BZW2: variants seen among roughly 807,000 people sequenced by gnomAD.
BZW2 encodes eIF5-mimic protein 1.
A neutral mutation model predicts 53.2 loss-of-function variants in BZW2; 23 were observed. The observed-to-expected ratio is 0.43, with a 90% CI of 0.31 to 0.61. The LOEUF is 0.61. Ranked by LOEUF, BZW2 falls within the 20% of genes least tolerant of loss-of-function variation. The probability of loss-of-function intolerance (pLI) is 0.09; values close to 1 mark genes in which losing one functional copy is unlikely to be tolerated. For synonymous variants in BZW2, 227 were observed against 186.4 expected, an observed-to-expected ratio of 1.22 and a Z score of -1.77; for missense variants, 409 against 503.1, an observed-to-expected ratio of 0.81 and a Z score of 1.79.
At chr7:16,696,632 G>C (rs991324897) in intron 8 of BZW2, among the ~76,000 whole-genome samples, 1 of 152,146 alleles carries the variant, frequency 6.6e-6, no homozygotes. Context: ...ACTCAAAGGG[G>C]TTTCTCTATG....
chr7:16,667,590 G>A (rs1397846768), intron 2 of BZW2, among the ~76,000 whole-genome samples: 1 of 152,128 alleles, frequency 6.6e-6, no homozygotes, highest in Non-Finnish European at 1.5e-5. Context: ...AAAAGAAATT[G>A]CAATATAATA....
At chr7:16,664,347 G>A (rs985747071) in intron 1 of BZW2, among the ~76,000 whole-genome samples, 2 of 152,208 alleles carry the variant, frequency 1.3e-5, no homozygotes, top group Admixed American at 6.5e-5. Flanking sequence ...CAAGTAAGGA[G>A]AGCTAGTGAC....
chr7:16,681,674 A>C (rs558651883), intron 4 of BZW2, among the ~76,000 whole-genome samples: 1 of 152,222 alleles, frequency 6.6e-6, no homozygotes, highest in South Asian at 2.1e-4. Flanking sequence ...CTACTAAAAA[A>C]TACAAAAATT....
intron 10 of BZW2, 144 bp from the exon 11 acceptor site, chr7:16,704,403 A>G: frequency 1.2e-6 from 1 of 848,442 alleles, no homozygotes. Context: ...GCTACATGAA[A>G]ATCAACTTGG....
intron 4 of BZW2, 45 bp downstream of exon 4, chr7:16,681,449 A>C: frequency 1.3e-6 from 2 of 1,497,164 alleles, no homozygotes; most frequent in Non-Finnish European, 1.9e-6. Context: ...AGGACTGAGG[A>C]AAACTCTATA....
chr7:16,681,443 C>T (rs932897184), intron 4 of BZW2, 39 bp downstream of exon 4: 1 of 1,521,012 alleles, frequency 6.6e-7, no homozygotes, highest in South Asian at 1.1e-5. Flanking sequence ...TTGAAGAGGA[C>T]TGAGGAAAAC....
chr7:16,661,608 T>C (rs1369101350), intron 1 of BZW2, among the ~76,000 whole-genome samples: 2 of 152,202 alleles, frequency 1.3e-5, no homozygotes, highest in Non-Finnish European at 2.9e-5. Context: ...TTCATTAATA[T>C]AGTATCAAGT....
intron 1 of BZW2, among the ~76,000 whole-genome samples, chr7:16,647,139 T>C (rs1166719061): frequency 6.6e-6 from 1 of 152,194 alleles, no homozygotes; most frequent in Non-Finnish European, 1.5e-5. Flanking sequence ...ATTTGCTTGC[T>C]AAAATGCGGG....
intron 2 of BZW2, 49 bp downstream of exon 2, chr7:16,665,550 A>G: frequency 6.3e-7 from 1 of 1,596,512 alleles, no homozygotes; most frequent in Non-Finnish European, 8.5e-7. Flanking sequence ...TAACCAAAAT[A>G]TAAGATTGGA....
intron 5 of BZW2, among the ~76,000 whole-genome samples, chr7:16,685,222 A>G (rs73679834): frequency 0.041 from 6,202 of 152,276 alleles, 408 homozygotes; most frequent in African/African-American, 0.14. Flanking sequence ...CTTACATTCA[A>G]ATTTTCTAGG....
At chr7:16,678,030 G>A (rs1029322930) in intron 3 of BZW2, among the ~76,000 whole-genome samples, 1 of 135,010 alleles carries the variant, frequency 7.4e-6, no homozygotes, top group Non-Finnish European at 1.6e-5. Context: ...TAAATGCTTT[G>A]TTTAATTATT....
intron 3 of BZW2, 114 bp downstream of exon 3, chr7:16,674,702 A>G (rs1583721007): frequency 2.1e-6 from 2 of 957,160 alleles, no homozygotes; most frequent in Admixed American, 7.4e-5. Flanking sequence ...GTTAATAAAA[A>G]TACAAATGGA....
At chr7:16,687,594 C>G (rs1783165878) in intron 6 of BZW2, 1 of 151,996 alleles carries the variant, frequency 6.6e-6, no homozygotes, top group Non-Finnish European at 1.5e-5. Flanking sequence ...GTTGGCACAC[C>G]TGTACAATCC....
Position 16,676,512 on chromosome 7 carries a change from C to T in BZW2, c.235+1924C>T, listed in dbSNP as rs570883000. On this transcript the variant is annotated intron_variant, in intron 3 of 11. Coordinates refer to ENST00000258761, the MANE Select transcript of BZW2 (RefSeq NM_014038.3). ...GCAGTGAGCCGAGATCACACCATTGCGATCTTCAAAAGGAACATTATATTT... is the reference window on the plus strand; with the variant it reads ...GCAGTGAGCCGAGATCACACCATTGTGATCTTCAAAAGGAACATTATATTT... Among the ~76,000 whole-genome samples, 11 of 152,264 alleles carry T rather than the reference C, an allele frequency of 7.2e-5. 1 individual carries two copies. The highest frequency in any genetic ancestry group is 2.4e-4 in the African/African-American group (10 of 41,552).
chr7:16,696,833 C>A, intron 8 of BZW2, 82 bp from the exon 9 acceptor site: 1 of 1,461,196 alleles, frequency 6.8e-7, no homozygotes, highest in Non-Finnish European at 9.5e-7. Flanking sequence ...GCCCCAAAAC[C>A]TTGATTGACT....
At chr7:16,654,707 T>TG (rs1370222335) in intron 1 of BZW2, among the ~76,000 whole-genome samples, 1 of 150,050 alleles carries the variant, frequency 6.7e-6, no homozygotes, top group African/African-American at 2.4e-5. Context: ...GCTAATTGTT[T>TG]TTTTTTTTTT....
intron 2 of BZW2, among the ~76,000 whole-genome samples, chr7:16,670,540 G>T (rs531120441): frequency 6.6e-6 from 1 of 152,328 alleles, no homozygotes; most frequent in South Asian, 2.1e-4. Flanking sequence ...ATAACAGCAT[G>T]TAGTTGTTTT....
At chr7:16,661,328 C>T (rs1305792464) in intron 1 of BZW2, 2 of 152,062 alleles carry the variant, frequency 1.3e-5, no homozygotes, top group Non-Finnish European at 2.9e-5. Flanking sequence ...ACTGATCAGT[C>T]TACATCGAAG....
intron 1 of BZW2, among the ~76,000 whole-genome samples, chr7:16,655,509 A>G (rs1316902339): frequency 1.3e-5 from 2 of 152,136 alleles, no homozygotes; most frequent in Non-Finnish European, 2.9e-5. Context: ...AACACTCATC[A>G]TTTCTTTCTG....
Sources: allele counts gnomAD v4.1 joint callset (sites outside exome capture counted in the v4.1 genomes callset), GRCh38; gene constraint gnomAD v4.1.1; transcripts MANE v1.5; gene names NCBI Gene and HGNC (gene_info 2026-07-23, HGNC 2026-07-21).